The following ACOXL variants were observed in gnomAD, a reference collection of about 807,000 sequenced individuals.
ACOXL encodes the protein acyl-coenzyme A oxidase-like protein.
In ACOXL, 70 loss-of-function variants were observed where a neutral mutation model predicts 71.9. The ratio of observed to expected loss-of-function variants is 0.97; its 90% CI spans 0.80 to 1.19. The LOEUF is 1.19. ACOXL is among the 50% of genes most tolerant of loss of function. The pLI is 0.00. For synonymous variants in ACOXL, 253 were observed against 281.6 expected, an observed-to-expected ratio of 0.90 and a Z score of 1.02; for missense variants, 703 against 736.3, an observed-to-expected ratio of 0.95 and a Z score of 0.52.
chr2:110,798,913 A>C, intron 6 of ACOXL, 101 bp from the exon 7 acceptor site: 1 of 1,312,438 alleles, frequency 7.6e-7, no homozygotes, highest in South Asian at 1.2e-5. Flanking sequence ...ACAGTTGTAG[A>C]ACTGAATGAG....
intron 9 of ACOXL, among the ~76,000 whole-genome samples, chr2:110,838,347 T>A (rs1462381623): frequency 6.6e-6 from 1 of 151,682 alleles, no homozygotes; most frequent in African/African-American, 2.4e-5. Context: ...GTACATGTGC[T>A]GTGTGTGTGT....
chr2:110,981,125 G>A (rs1574371996), intron 12 of ACOXL, among the ~76,000 whole-genome samples: 1 of 152,336 alleles, frequency 6.6e-6, no homozygotes, highest in East Asian at 1.9e-4. Flanking sequence ...CACTTTGGGA[G>A]GCTGAGGCGG....
chr2:111,098,674 G>A (rs1049734436), intron 17 of ACOXL: 1 of 152,160 alleles, frequency 6.6e-6, no homozygotes, highest in Non-Finnish European at 1.5e-5. Flanking sequence ...ATGAGCCATA[G>A]TTATGGGGAA....
Position 111,092,971 on chromosome 2 carries a change from G to C in ACOXL, c.1542+5G>C. On this transcript the variant is annotated splice_donor_5th_base_variant and intron_variant, in intron 17 of 17. Transcript: ENST00000439055. The stretch of plus-strand genomic sequence containing the variant: ...AGCACGAGGATCAGGAATCAGGTAA[G>C]GTCCCTGGGGTACAGAAAAACACTT... 1.9e-6 allele frequency: 3 copies of C among 1,611,812 alleles called. No individual in the cohort carries two copies. The highest frequency in any genetic ancestry group is 2.5e-6 in the Non-Finnish European group (3 of 1,178,326).
At position 110,806,738 on chromosome 2, in the gene ACOXL, G is replaced by T. The variant is rs1043408144; in HGVS notation, c.753+1343G>T. 7.9e-5 allele frequency among the ~76,000 whole-genome samples: 12 copies of T among 152,282 alleles called. No homozygotes were observed. The South Asian group carries it at 2.3e-3, about 29-fold the overall frequency. On this transcript the variant is annotated intron_variant, in intron 9 of 17. Coordinates refer to ENST00000439055, the MANE Select transcript of ACOXL (RefSeq NM_001142807.4). ...AGAGTGCTGGGCGCATATAAAAAAC[G>T]CAAGGTGGTCAGCGGCCAGGCAGGC...
chr2:111,044,839 A>C (rs1025581397), intron 15 of ACOXL, among the ~76,000 whole-genome samples: 4 of 152,148 alleles, frequency 2.6e-5, no homozygotes, highest in African/African-American at 9.7e-5. Context: ...GCAGCAGAGG[A>C]AACCTGTTTC....
chr2:110,878,016 C>T (rs965343165), intron 10 of ACOXL, among the ~76,000 whole-genome samples: 6 of 152,182 alleles, frequency 3.9e-5, no homozygotes, highest in East Asian at 3.8e-4. Flanking sequence ...TATTTCTCAA[C>T]GTTTTTAAGC....
At chr2:110,965,774 G>A (rs757416795) in intron 12 of ACOXL, among the ~76,000 whole-genome samples, 26 of 152,302 alleles carry the variant, frequency 1.7e-4, no homozygotes, top group Non-Finnish European at 3.4e-4. Flanking sequence ...CCTGGAAGGG[G>A]GAAGGAAGAA....
intron 17 of ACOXL, among the ~76,000 whole-genome samples, chr2:111,109,581 T>C (rs1406936814): frequency 1.4e-4 from 21 of 152,012 alleles, no homozygotes. Flanking sequence ...TTTTTTCAGA[T>C]CTAGAATTTT....
intron 15 of ACOXL, 114 bp downstream of exon 15, chr2:111,031,828 C>T (rs778773543): frequency 8.4e-6 from 9 of 1,076,354 alleles, no homozygotes; most frequent in Non-Finnish European, 1.1e-5. Flanking sequence ...AGGGACAGTC[C>T]GTGTGTTGAA....
Position 111,092,890 on chromosome 2 carries a change from T to G in ACOXL, c.1466T>G (p.Leu489Arg), listed in dbSNP as rs1238918704. Residue 489 changes from leucine (L) to arginine (R), a missense_variant, in exon 17 of 18, where the codon CTG becomes CGG. By Grantham distance (102) the Leu-to-Arg change is moderately radical. Transcript: ENST00000439055. ...TTTTGTCTGTTGTATGGAACCAAGC[T>G]GGTGTTTCAGGAGCGGGCCTGGTAT... ...MKFCLLYGTK[L>R]VFQERAWYLE... 6.2e-7 allele frequency: 1 copy of G among 1,614,112 alleles called. No homozygotes were observed. The highest frequency in any genetic ancestry group is 8.5e-7 in the Non-Finnish European group (1 of 1,179,990).
At chr2:111,053,461 G>A (rs567012980) in intron 16 of ACOXL, among the ~76,000 whole-genome samples, 4 of 152,304 alleles carry the variant, frequency 2.6e-5, no homozygotes, top group African/African-American at 7.2e-5. Context: ...GGCAAACCAG[G>A]GCATTGGGTC....
intron 15 of ACOXL, among the ~76,000 whole-genome samples, chr2:111,035,425 G>A (rs1423304301): frequency 1.3e-5 from 2 of 152,094 alleles, no homozygotes; most frequent in African/African-American, 2.4e-5. Context: ...CTGAAGCCTT[G>A]GTGCTGTCTG....
intron 10 of ACOXL, among the ~76,000 whole-genome samples, chr2:110,888,686 C>G (rs1307002523): frequency 6.6e-6 from 1 of 152,194 alleles, no homozygotes; most frequent in Non-Finnish European, 1.5e-5. Flanking sequence ...GTCTTAAATC[C>G]TTCTACTTTC....
At chr2:110,894,763 T>C (rs2058941976) in intron 10 of ACOXL, among the ~76,000 whole-genome samples, 1 of 152,306 alleles carries the variant, frequency 6.6e-6, no homozygotes, top group Admixed American at 6.5e-5. Flanking sequence ...TCAGCAATTA[T>C]GACACTACAC....
At chr2:110,926,055 A>G (rs1385609834) in intron 11 of ACOXL, among the ~76,000 whole-genome samples, 1 of 152,032 alleles carries the variant, frequency 6.6e-6, no homozygotes, top group Admixed American at 6.6e-5. Flanking sequence ...CAGAACACAC[A>G]CATTTACCAA....
intron 10 of ACOXL, among the ~76,000 whole-genome samples, chr2:110,891,942 G>A (rs1440203398): frequency 5.3e-5 from 8 of 151,956 alleles, no homozygotes; most frequent in Non-Finnish European, 2.9e-5. Flanking sequence ...CTGTCATCTT[G>A]TGTTGCATTC....
At chr2:110,959,390 C>T (rs1381098920) in intron 12 of ACOXL, among the ~76,000 whole-genome samples, 1 of 152,206 alleles carries the variant, frequency 6.6e-6, no homozygotes, top group Non-Finnish European at 1.5e-5. Flanking sequence ...CTGCAGGAAG[C>T]CGTCTGCCTT....
intron 9 of ACOXL, among the ~76,000 whole-genome samples, chr2:110,812,489 A>G (rs920838406): frequency 1.3e-5 from 2 of 151,988 alleles, no homozygotes; most frequent in African/African-American, 2.4e-5. Flanking sequence ...AGTAGACCCC[A>G]CTGTCTGTTG....
Sources: allele counts gnomAD v4.1 joint callset (sites outside exome capture counted in the v4.1 genomes callset), GRCh38; gene constraint gnomAD v4.1.1; transcripts MANE v1.5; gene names NCBI Gene and HGNC (gene_info 2026-07-23, HGNC 2026-07-21).